Variants in ANO10 observed in about 807,000 individuals in gnomAD.
ANO10 encodes anoctamin-10.
In ANO10, 77 loss-of-function variants were observed where a neutral mutation model predicts 74.7. The observed-to-expected ratio is 1.03, with a 90% CI of 0.86 to 1.25. The LOEUF is 1.25. Ranked by LOEUF, ANO10 falls within the 50% of genes most tolerant of loss-of-function variation. The pLI, the probability that ANO10 is intolerant of heterozygous loss-of-function variation, is 0.00. For synonymous variants in ANO10, 279 were observed against 284.9 expected, an observed-to-expected ratio of 0.98 and a Z score of 0.21; for missense variants, 721 against 778.1, an observed-to-expected ratio of 0.93 and a Z score of 0.87.
At chr3:43,487,687 TTCTC>T (rs1203867645) in intron 11 of ANO10, among the ~76,000 whole-genome samples, 2 of 152,240 alleles carry the variant, frequency 1.3e-5, no homozygotes, top group Admixed American at 6.5e-5. Context: ...TATTAGATTC[TTCTC>T]TCTTTTTTTC....
At chr3:43,379,426 G>A (rs942766740) in intron 12 of ANO10, among the ~76,000 whole-genome samples, 2 of 152,170 alleles carry the variant, frequency 1.3e-5, no homozygotes, top group Non-Finnish European at 2.9e-5. Context: ...CTTCCACTCA[G>A]GCAAACAGAG....
intron 1 of ANO10, among the ~76,000 whole-genome samples, chr3:43,680,438 G>C (rs974555219): frequency 3.3e-5 from 5 of 152,194 alleles, no homozygotes; most frequent in African/African-American, 9.6e-5. Flanking sequence ...TATGTGAAAA[G>C]ACCAAATCTA....
At position 43,690,699 on chromosome 3, in the gene ANO10, T is replaced by A. The variant is rs79739454; in HGVS notation, c.-12+818A>T. Reference sequence around the variant, plus strand: ...CATTATTCAAATTAGCTAAAACACCTAACTCATTCGGGTGAGTCTCGCCAG... The same window carrying A: ...CATTATTCAAATTAGCTAAAACACCAAACTCATTCGGGTGAGTCTCGCCAG... On this transcript the variant is annotated intron_variant, in intron 1 of 3. Coordinates refer to the ANO10 transcript ENST00000413397. 0.023 allele frequency: 8,991 copies of A among 388,780 alleles called. 156 individuals are homozygous for A. Among genetic ancestry groups the A allele is most frequent in the South Asian group, 0.072 (774 of 10,676 alleles). The allele number at this position is 388,780 out of a possible 1,614,324, so 24.1% of individuals were successfully genotyped here.
intron 11 of ANO10, among the ~76,000 whole-genome samples, chr3:43,526,337 T>G (rs2078195372): frequency 6.6e-6 from 1 of 152,170 alleles, no homozygotes. Flanking sequence ...GCAACATGTA[T>G]GATTATTTTT....
intron 12 of ANO10, among the ~76,000 whole-genome samples, chr3:43,385,639 A>G (rs1418134467): frequency 6.6e-6 from 1 of 152,134 alleles, no homozygotes; most frequent in Non-Finnish European, 1.5e-5. Context: ...CACTGGAGAC[A>G]TTAAGTAAGG....
At chr3:43,545,844 A>G (rs2079167920) in intron 11 of ANO10, among the ~76,000 whole-genome samples, 1 of 152,224 alleles carries the variant, frequency 6.6e-6, no homozygotes, top group African/African-American at 2.4e-5. Flanking sequence ...TCACATAGTT[A>G]CCTTGTAAAA....
intron 11 of ANO10, among the ~76,000 whole-genome samples, chr3:43,495,615 A>G (rs957008169): frequency 2.6e-5 from 4 of 151,724 alleles, no homozygotes; most frequent in African/African-American, 9.8e-5. Context: ...ATTGAACATA[A>G]TAAGAAAGTA....
intron 12 of ANO10, among the ~76,000 whole-genome samples, chr3:43,374,322 T>C (rs1017993895): frequency 2.0e-5 from 3 of 152,224 alleles, no homozygotes; most frequent in African/African-American, 7.2e-5. Context: ...AACACTTACA[T>C]CACATTGCAC....
At chr3:43,538,121 G>C (rs1319828655) in intron 11 of ANO10, among the ~76,000 whole-genome samples, 1 of 151,964 alleles carries the variant, frequency 6.6e-6, no homozygotes, top group East Asian at 1.9e-4. Context: ...AGTTAGACCT[G>C]GCCCTATTTT....
intron 1 of ANO10, among the ~76,000 whole-genome samples, chr3:43,674,086 T>C (rs2084091879): frequency 1.3e-5 from 2 of 152,174 alleles, no homozygotes; most frequent in South Asian, 4.1e-4. Flanking sequence ...TTTAGCCCTG[T>C]TGTACTTCAT....
intron 1 of ANO10, among the ~76,000 whole-genome samples, chr3:43,639,592 G>A (rs747462244): frequency 1.1e-4 from 16 of 151,944 alleles, no homozygotes; most frequent in African/African-American, 1.9e-4. Context: ...GTGAAACTCC[G>A]TCTCTACTAA....
At chr3:43,377,279 G>T (rs1313966846) in intron 12 of ANO10, among the ~76,000 whole-genome samples, 1 of 152,000 alleles carries the variant, frequency 6.6e-6, no homozygotes, top group Non-Finnish European at 1.5e-5. Context: ...TAGAGATGGG[G>T]TTTCACCATG....
chr3:43,674,148 T>C (rs1400817030), intron 1 of ANO10, among the ~76,000 whole-genome samples: 1 of 152,172 alleles, frequency 6.6e-6, no homozygotes, highest in Non-Finnish European at 1.5e-5. Context: ...TATTCACCCA[T>C]GAATTTTTAA....
intron 12 of ANO10, among the ~76,000 whole-genome samples, chr3:43,416,600 T>C (rs1266870392): frequency 6.6e-6 from 1 of 152,232 alleles, no homozygotes; most frequent in Admixed American, 6.5e-5. Context: ...GGTCTGGTAT[T>C]CTGCTTTTTG....
intron 1 of ANO10, among the ~76,000 whole-genome samples, chr3:43,617,253 A>C (rs2083157931): frequency 6.6e-6 from 1 of 151,202 alleles, no homozygotes. Flanking sequence ...TTATGGTTCC[A>C]GTTGGGGCCA....
intron 12 of ANO10, among the ~76,000 whole-genome samples, chr3:43,389,993 A>T (rs13084141): frequency 6.6e-6 from 1 of 152,198 alleles, no homozygotes; most frequent in Non-Finnish European, 1.5e-5. Flanking sequence ...TTCCAAACAA[A>T]ACCTTCATCA....
chr3:43,686,488 G>C (rs985942748), intron 1 of ANO10, among the ~76,000 whole-genome samples: 1 of 151,978 alleles, frequency 6.6e-6, no homozygotes, highest in African/African-American at 2.4e-5. Flanking sequence ...GTCTTGCCAC[G>C]TTGCCCAAGC....
chr3:43,658,420 G>A (rs577247007), intron 1 of ANO10, among the ~76,000 whole-genome samples: 105 of 152,070 alleles, frequency 6.9e-4, no homozygotes, highest in African/African-American at 2.5e-3. Context: ...TCATAAGGAT[G>A]AATATGGTGT....
rs538224235 is a variant in ANO10 at position 43,415,545 on chromosome 3, C to CT, written c.1914+17065dup. On this transcript the variant is annotated intron_variant, in intron 12 of 12. Coordinates refer to ENST00000292246, the MANE Select transcript of ANO10 (RefSeq NM_018075.5). ...GTTCTTATTTTTTCTTTCTTTCTTT[C>CT]TTTTTTTTTTGAGATGTAGTCTTGC... Among the ~76,000 whole-genome samples, 324 of 147,326 alleles carry CT rather than the reference C, an allele frequency of 2.2e-3. 9 individuals carry two copies. In the South Asian group the frequency reaches 0.032, roughly 15 times the overall value.
Sources: allele counts gnomAD v4.1 joint callset (sites outside exome capture counted in the v4.1 genomes callset), GRCh38; gene constraint gnomAD v4.1.1; transcripts MANE v1.5; gene names NCBI Gene and HGNC (gene_info 2026-07-23, HGNC 2026-07-21).